The following AMZ1 variants were observed in gnomAD, a reference collection of about 807,000 sequenced individuals.
The protein encoded by AMZ1 is archaelysin family metallopeptidase 1.
AMZ1 carries 39 observed loss-of-function variants against 29.9 expected under a neutral mutation model. That is an observed-to-expected ratio of 1.30 (90% CI 1.01 to 1.70). The LOEUF is 1.70. Among genes scored for constraint, AMZ1 ranks in the 40% most tolerant of loss-of-function variants. The pLI is 0.00. For missense variants in AMZ1, 1,041 were observed against 680.6 expected (o/e 1.53, Z -5.89); for synonymous variants, 458 against 304.0 (o/e 1.51, Z -5.27).
intron 1 of AMZ1, among the ~76,000 whole-genome samples, chr7:2,693,823 G>T (rs970441586): frequency 6.6e-6 from 1 of 152,250 alleles, no homozygotes; most frequent in Non-Finnish European, 1.5e-5. Flanking sequence ...CCAAAGTGCT[G>T]AGAATGCAGG....
intron 4 of AMZ1, among the ~76,000 whole-genome samples, chr7:2,736,706 C>A (rs1213015936): frequency 6.6e-6 from 1 of 152,218 alleles, no homozygotes; most frequent in Non-Finnish European, 1.5e-5. Flanking sequence ...TCTGGAAGCA[C>A]CTGTCACCCA....
chr7:2,695,487 AG>A (rs1396909968), intron 1 of AMZ1, among the ~76,000 whole-genome samples: 1 of 151,328 alleles, frequency 6.6e-6, no homozygotes, highest in African/African-American at 2.4e-5. Context: ...GAGGCCCATA[AG>A]GGAGGATTGC....
chr7:2,718,075 C>T lies in AMZ1; in HGVS notation c.*5197C>T, dbSNP rs556689614. 1.3e-5 allele frequency among the ~76,000 whole-genome samples: 2 copies of T among 152,284 alleles called. No individual in the cohort carries two copies. The highest frequency in any genetic ancestry group is 1.9e-4 in the East Asian group (1 of 5,184). On this transcript the variant is annotated 3_prime_UTR_variant, in exon 7 of 7. Coordinates refer to ENST00000683327, the MANE Select transcript of AMZ1 (RefSeq NM_001384743.1). ...CCTCCTGCCCTCTCTGAGAGGGGCC[C>T]GAGCTCTCGCAAGATTAACCAGAGA...
intron 4 of AMZ1, among the ~76,000 whole-genome samples, chr7:2,747,930 T>C (rs1790847352): frequency 6.6e-6 from 1 of 151,214 alleles, no homozygotes; most frequent in African/African-American, 2.4e-5. Flanking sequence ...GAGAATAAAA[T>C]ACCTAGGAAT....
At chr7:2,762,326 G>A (rs531349259), upstream of AMZ1, 25 of 326,178 alleles carry the variant, frequency 7.7e-5, no homozygotes, top group African/African-American at 4.5e-4. Flanking sequence ...CAGGCGCTGC[G>A]CGACTGCTGC....
chr7:2,694,792 C>T (rs539342096), intron 1 of AMZ1, among the ~76,000 whole-genome samples: 1 of 152,094 alleles, frequency 6.6e-6, no homozygotes, highest in South Asian at 2.1e-4. Context: ...CCTGCCTCAG[C>T]CTCCCGAGTA....
chr7:2,764,198 G>A (rs984103840), upstream of AMZ1, among the ~76,000 whole-genome samples: 5 of 151,578 alleles, frequency 3.3e-5, no homozygotes, highest in African/African-American at 1.2e-4. Flanking sequence ...TCAGCCTCCT[G>A]AGTAGCTGGG....
At chr7:2,695,689 C>A (rs1345769408) in intron 1 of AMZ1, among the ~76,000 whole-genome samples, 1 of 149,282 alleles carries the variant, frequency 6.7e-6, no homozygotes, top group Non-Finnish European at 1.5e-5. Flanking sequence ...CCAGCCTGGG[C>A]AAAACAGGGA....
chr7:2,736,240 G>A (rs912898738), intron 4 of AMZ1, among the ~76,000 whole-genome samples: 3 of 152,166 alleles, frequency 2.0e-5, no homozygotes, highest in Admixed American at 6.5e-5. Flanking sequence ...CTGCCAAGAC[G>A]AGCCCAGAGT....
At position 2,717,056 on chromosome 7, in the gene AMZ1, C is replaced by T. The variant is rs1290495841; in HGVS notation, c.*4178C>T. On this transcript the variant is annotated 3_prime_UTR_variant, in exon 7 of 7. Coordinates refer to ENST00000683327, the MANE Select transcript of AMZ1 (RefSeq NM_001384743.1). ...GGAGGCCTGCACCCTGATCCCTGAG[C>T]AGCCCCCACACACCGGCACCCACGC... 6.6e-6 allele frequency among the ~76,000 whole-genome samples: 1 copy of T among 152,180 alleles called. No homozygotes were observed. The highest frequency in any genetic ancestry group is 2.4e-5 in the African/African-American group (1 of 41,440).
At chr7:2,761,791 G>A (rs1347301833), upstream of AMZ1, among the ~76,000 whole-genome samples, 2 of 152,198 alleles carry the variant, frequency 1.3e-5, no homozygotes, top group African/African-American at 2.4e-5. Flanking sequence ...TCATTAAAAC[G>A]TGAAGAGATG....
chr7:2,735,528 G>C (rs1248668824), intron 4 of AMZ1, among the ~76,000 whole-genome samples: 3 of 152,152 alleles, frequency 2.0e-5, no homozygotes, highest in Non-Finnish European at 4.4e-5. Flanking sequence ...GGACAAGCTC[G>C]ATGGGAAGCA....
rs769314012 is a variant in AMZ1, at chr7:2,714,260, G to A, written c.*1382G>A. 4.6e-5 allele frequency: 7 copies of A among 152,292 alleles called. No homozygotes were observed. Among genetic ancestry groups the A allele is most frequent in the Admixed American group, 6.5e-5 (1 of 15,270 alleles). The allele number at this position is 152,292 out of a possible 1,614,324, so 9.4% of individuals were successfully genotyped here. The stretch of plus-strand genomic sequence containing the variant: ...CCTTTTGTGGGTGGGTGGCTCACAC[G>A]GTTATGGAGGGCTTCTAAGAAAAAC... On this transcript the variant is annotated 3_prime_UTR_variant, in exon 7 of 7. Transcript: ENST00000683327.
intron 3 of AMZ1, among the ~76,000 whole-genome samples, chr7:2,705,920 C>T (rs907929365): frequency 5.3e-5 from 8 of 152,224 alleles, no homozygotes; most frequent in African/African-American, 1.7e-4. Flanking sequence ...GTACACGGTG[C>T]GTCTCACCTG....
At chr7:2,739,578 G>C (rs964035895) in intron 4 of AMZ1, among the ~76,000 whole-genome samples, 4 of 152,166 alleles carry the variant, frequency 2.6e-5, no homozygotes, top group African/African-American at 9.7e-5. Flanking sequence ...TGGCCGTTGT[G>C]AACAGTGCTA....
chr7:2,711,851 C>G (rs952358599), intron 6 of AMZ1, among the ~76,000 whole-genome samples: 1 of 152,142 alleles, frequency 6.6e-6, no homozygotes, highest in African/African-American at 2.4e-5. Flanking sequence ...TGAGACCAGC[C>G]TGGCTAACAT....
chr7:2,683,393 GTC>G (rs1786955242), upstream of AMZ1, among the ~76,000 whole-genome samples: 1 of 152,126 alleles, frequency 6.6e-6, no homozygotes, highest in East Asian at 1.9e-4. Context: ...TCTCCTCTGT[GTC>G]TCTGTGTCTT....
At chr7:2,737,691 G>A (rs1412871534) in intron 4 of AMZ1, among the ~76,000 whole-genome samples, 1 of 152,162 alleles carries the variant, frequency 6.6e-6, no homozygotes. Context: ...TGAGCTAGAG[G>A]ATTCCAAAAT....
chr7:2,740,970 G>A (rs920229300), intron 4 of AMZ1, among the ~76,000 whole-genome samples: 8 of 152,326 alleles, frequency 5.3e-5, no homozygotes, highest in South Asian at 4.1e-4. Flanking sequence ...GTGTGAACCC[G>A]GGAGGCAGAG....
Sources: allele counts gnomAD v4.1 joint callset (sites outside exome capture counted in the v4.1 genomes callset), GRCh38; gene constraint gnomAD v4.1.1; transcripts MANE v1.5; gene names NCBI Gene and HGNC (gene_info 2026-07-23, HGNC 2026-07-21).